Variants in TMPRSS9 observed in about 807,000 individuals in gnomAD.
TMPRSS9 encodes transmembrane protease serine 9.
A neutral mutation model predicts 111.4 loss-of-function variants in TMPRSS9; 113 were observed. The observed-to-expected ratio is 1.01, with a 90% CI of 0.87 to 1.19. The LOEUF is 1.19. Among genes scored for constraint, TMPRSS9 ranks in the 50% most tolerant of loss-of-function variants. The pLI is 0.00. For synonymous variants in TMPRSS9, 805 were observed against 659.1 expected, an observed-to-expected ratio of 1.22 and a Z score of -3.39; for missense variants, 1,803 against 1,513.1, an observed-to-expected ratio of 1.19 and a Z score of -3.18.
chr19:2,414,166 C>A (rs1038264493), intron 10 of TMPRSS9, 148 bp downstream of exon 11: 3 of 799,320 alleles, frequency 3.8e-6, no homozygotes, highest in Non-Finnish European at 5.7e-6. Context: ...TCTTACGTTG[C>A]GTGTACCCTC....
intron 1 of TMPRSS9, among the ~76,000 whole-genome samples, chr19:2,362,095 TA>T (rs1970204032): frequency 6.6e-6 from 1 of 152,060 alleles, no homozygotes; most frequent in South Asian, 2.1e-4. Flanking sequence ...TGTGATTGTG[TA>T]TTATATGTGT....
At chr19:2,400,951 G>T in intron 4 of TMPRSS9, among the ~76,000 whole-genome samples, 1 of 143,500 alleles carries the variant, frequency 7.0e-6, no homozygotes, top group South Asian at 2.2e-4. Context: ...ACTGTAGCCT[G>T]GGTAACAGAG....
intron 1 of TMPRSS9, among the ~76,000 whole-genome samples, chr19:2,371,805 G>A (rs1314048633): frequency 6.6e-6 from 1 of 152,160 alleles, no homozygotes; most frequent in Non-Finnish European, 1.5e-5. Flanking sequence ...GGGTGACAGG[G>A]ACTCTCACCC....
rs777832864 is a variant in TMPRSS9 at position 2,425,340 on chromosome 19, C to G, written c.2984-17C>G. On this transcript the variant is annotated splice_polypyrimidine_tract_variant and intron_variant, in intron 16 of 17. Coordinates refer to ENST00000648592, the Ensembl canonical transcript of TMPRSS9. ...GACGCGGTCCCCACCCGCCCCGTCTCGCTCGCCCGCCCGCAGGCTCCATGG... is the reference window on the plus strand; with the variant it reads ...GACGCGGTCCCCACCCGCCCCGTCTGGCTCGCCCGCCCGCAGGCTCCATGG... 2.1e-6 allele frequency: 3 copies of G among 1,457,234 alleles called. No individual in the cohort carries two copies. Among genetic ancestry groups the G allele is most frequent in the Admixed American group, 2.4e-5 (1 of 42,104 alleles). The allele number at this position is 1,457,234 out of a possible 1,614,324, so 90.3% of individuals were successfully genotyped here. A position where few individuals can be genotyped will look rare whatever the true frequency, so the allele number is the denominator to read the frequency against.
chr19:2,364,247 A>G (rs1970230427), intron 1 of TMPRSS9, among the ~76,000 whole-genome samples: 1 of 152,222 alleles, frequency 6.6e-6, no homozygotes, highest in South Asian at 2.1e-4. Flanking sequence ...GAAATTTAGA[A>G]GCCCAAGAAT....
At chr19:2,401,134 C>T (rs1008881237) in intron 4 of TMPRSS9, among the ~76,000 whole-genome samples, 52 of 151,950 alleles carry the variant, frequency 3.4e-4, no homozygotes, top group South Asian at 8.3e-4. Context: ...ATCAGCCGGG[C>T]GTGGTGGCGG....
At chr19:2,387,267 G>A (rs1970496684), upstream of TMPRSS9, among the ~76,000 whole-genome samples, 1 of 152,126 alleles carries the variant, frequency 6.6e-6, no homozygotes, top group Non-Finnish European at 1.5e-5. Flanking sequence ...GGCCGAGGTG[G>A]GTGGATCAAC....
intron 15 of TMPRSS9, 137 bp from the exon 17 acceptor site, chr19:2,424,865 A>G (rs980164160): frequency 4.5e-5 from 52 of 1,152,878 alleles, no homozygotes; most frequent in South Asian, 1.1e-4. Flanking sequence ...GACTGAGCCC[A>G]TTCCCAGACC....
chr19:2,385,218 A>AGGGGGCGGGGCTCGC (rs1970455116), upstream of TMPRSS9, among the ~76,000 whole-genome samples: 3 of 24,854 alleles, frequency 1.2e-4, no homozygotes, highest in African/African-American at 1.7e-4. Flanking sequence ...GCGGGGCTCG[A>AGGGGGCGGGGCTCGC]GGGGGCGGGG....
intron 10 of TMPRSS9, 34 bp from the exon 12 acceptor site, chr19:2,415,636 G>A: frequency 6.6e-7 from 1 of 1,512,728 alleles, no homozygotes; most frequent in Non-Finnish European, 8.9e-7. Flanking sequence ...AGCAGGCCAA[G>A]ATCCCCAGAC....
At chr19:2,423,394 G>A (rs1336794919) in intron 14 of TMPRSS9, among the ~76,000 whole-genome samples, 1 of 150,642 alleles carries the variant, frequency 6.6e-6, no homozygotes, top group Non-Finnish European at 1.5e-5. Flanking sequence ...CGGTGCCAAG[G>A]CTGGTGGGGA....
exon 9 of TMPRSS9, chr19:2,410,343 T>G (rs754453228): frequency 2.5e-6 from 4 of 1,614,078 alleles, no homozygotes; most frequent in Non-Finnish European, 3.4e-6. Context: ...ATTCACTCAC[T>G]GACAGGATGG....
At chr19:2,401,639 G>T (rs1027770478) in intron 4 of TMPRSS9, among the ~76,000 whole-genome samples, 65 of 151,512 alleles carry the variant, frequency 4.3e-4, no homozygotes, top group Admixed American at 2.8e-3. Flanking sequence ...ATGGAGTCTC[G>T]CTCTGTCGCC....
At position 2,418,307 on chromosome 19, in the gene TMPRSS9, TTCCC is replaced by T. The variant is rs1325544447; in HGVS notation, c.2154+191_2154+194del. 2.9e-3 allele frequency among the ~76,000 whole-genome samples: 90 copies of T among 30,746 alleles called. 6 individuals are homozygous for T. Among genetic ancestry groups the T allele is most frequent in the East Asian group, 4.5e-3 (4 of 882 alleles). The allele number at this position is 30,746 out of a possible 152,430, so 20.2% of individuals were successfully genotyped here. A position where few individuals can be genotyped will look rare whatever the true frequency, so the allele number is the denominator to read the frequency against. Reference sequence around the variant, plus strand: ...CCTTTCCTCCTTTCCTTCCCTCCCTTTCCCTCCCTCCCTCCCTCCCTCCCTTTCC... The same window carrying T: ...CCTTTCCTCCTTTCCTTCCCTCCCTTTCCCTCCCTCCCTCCCTCCCTTTCC... On this transcript the variant is annotated intron_variant, in intron 13 of 17. Coordinates refer to ENST00000648592, the Ensembl canonical transcript of TMPRSS9.
At chr19:2,426,239 A>AGGTCATGGGGATGCATTTTGG (rs1555682003), downstream of TMPRSS9, 1,360 of 864,366 alleles carry the variant, frequency 1.6e-3, 3 homozygotes, top group Non-Finnish European at 2.1e-3. Flanking sequence ...CTTTGTTCCA[A>AGGTCATGGGGATGCATTTTGG]TAAACACAGC....
upstream of TMPRSS9, among the ~76,000 whole-genome samples, chr19:2,389,075 CCTT>C (rs1970531988): frequency 1.3e-5 from 2 of 150,120 alleles, 1 homozygote; most frequent in East Asian, 3.9e-4. Context: ...TCACGTTCCA[CCTT>C]TTTTTTTTTT....
At chr19:2,371,713 GAA>G (rs367698324) in intron 1 of TMPRSS9, among the ~76,000 whole-genome samples, 4,872 of 130,992 alleles carry the variant, frequency 0.037, 299 homozygotes, top group African/African-American at 0.14. Context: ...ACAAAACCAA[GAA>G]AAAAAAAAAA....
At chr19:2,399,020 A>G in exon 4 of TMPRSS9, 1 of 1,610,540 alleles carries the variant, frequency 6.2e-7, no homozygotes, top group African/African-American at 1.3e-5. Context: ...ACCTGTAGGG[A>G]TGGGAACTCC....
chr19:2,396,913 GTT>G (rs772988224), intron 2 of TMPRSS9, among the ~76,000 whole-genome samples: 7 of 146,378 alleles, frequency 4.8e-5, no homozygotes, highest in African/African-American at 1.0e-4. Context: ...ACATTTAGAG[GTT>G]TTTTTTTTTT....
Sources: allele counts gnomAD v4.1 joint callset (sites outside exome capture counted in the v4.1 genomes callset), GRCh38; gene constraint gnomAD v4.1.1; transcripts MANE v1.5; gene names NCBI Gene and HGNC (gene_info 2026-07-23, HGNC 2026-07-21).